UBA5: variants seen among roughly 807,000 people sequenced by gnomAD.
UBA5 encodes the protein ubiquitin like modifier activating enzyme 5, also known as ubiquitin-like modifier-activating enzyme 5.
A neutral mutation model predicts 52.9 loss-of-function variants in UBA5; 28 were observed. The observed-to-expected ratio is 0.53, with a 90% CI of 0.39 to 0.73. The LOEUF is 0.73. UBA5 is among the 30% of genes least tolerant of loss of function. The pLI is 0.00. For synonymous variants in UBA5, 135 were observed against 162.1 expected, an observed-to-expected ratio of 0.83 and a Z score of 1.27; for missense variants, 388 against 492.7, an observed-to-expected ratio of 0.79 and a Z score of 2.01.
chr3:132,663,671 C>G (rs924757632), intron 1 of UBA5, among the ~76,000 whole-genome samples: 1 of 152,100 alleles, frequency 6.6e-6, no homozygotes, highest in African/African-American at 2.4e-5. Context: ...CAGTGAAGTC[C>G]AAAGTCAAAC....
In UBA5 at chr3:132,676,844, T is replaced by C. The variant is rs1477103294; in HGVS notation, c.*318T>C. On this transcript the variant is annotated 3_prime_UTR_variant, in exon 12 of 12. Coordinates refer to ENST00000356232, the MANE Select transcript of UBA5 (RefSeq NM_024818.6). The surrounding 1 kb of genome is among the most constrained non-coding windows in gnomAD (Gnocchi z 4.1). The stretch of plus-strand genomic sequence containing the variant: ...AGGACAAATCTGATCCTGTAATCTT[T>C]TTCTTTCCAGTAATCCCTTGTGTCT... The C allele has an allele frequency of 2.1e-6, 1 of 467,732 alleles. No homozygotes were observed. The highest frequency in any genetic ancestry group is 6.5e-5 in the East Asian group (1 of 15,460). The allele number at this position is 467,732 out of a possible 1,614,324, so 29.0% of individuals were successfully genotyped here.
chr3:132,670,166 A>G, intron 4 of UBA5, 32 bp from the exon 5 acceptor site: 2 of 1,061,820 alleles, frequency 1.9e-6, no homozygotes, highest in Non-Finnish European at 2.9e-6. Flanking sequence ...CTAGGATTAC[A>G]GGCTTATAAT....
chr3:132,665,927 TG>T (rs1938359155), intron 2 of UBA5, 56 bp from the exon 3 acceptor site: 1 of 1,610,816 alleles, frequency 6.2e-7, no homozygotes, highest in East Asian at 2.2e-5. Flanking sequence ...AAATAACTTC[TG>T]GTGACATATT....
Position 132,678,941 on chromosome 3 carries a change from C to T in UBA5, c.*2415C>T, listed in dbSNP as rs1460152848. On this transcript the variant is annotated 3_prime_UTR_variant, in exon 12 of 12. Coordinates refer to ENST00000356232, the MANE Select transcript of UBA5 (RefSeq NM_024818.6). ...CTGGGATTATAGGTGTGAGCCACCA[C>T]GCCCAGCCAAGAATATTTACTAAAG... 1.3e-5 allele frequency among the ~76,000 whole-genome samples: 2 copies of T among 152,158 alleles called. No individual in the cohort carries two copies. The highest frequency in any genetic ancestry group is 1.9e-4 in the East Asian group (1 of 5,160).
Position 132,676,429 on chromosome 3 carries a change from T to A in UBA5, c.1132-14T>A. ...TGGTTCTTTTTTCACTGTATTTCCC[T>A]TATTTGTCAATAGCAAGAAGATTCT... On this transcript the variant is annotated splice_polypyrimidine_tract_variant and intron_variant, in intron 11 of 11. Transcript: ENST00000356232. This position sits in a 1 kb window ranked among gnomAD's most constrained non-coding sequence, Gnocchi z 4.1. 6.3e-7 allele frequency: 1 copy of A among 1,599,326 alleles called. No homozygotes were observed. The highest frequency in any genetic ancestry group is 8.5e-7 in the Non-Finnish European group (1 of 1,172,772).
chr3:132,670,083 G>A (rs768451738), intron 4 of UBA5, 115 bp from the exon 5 acceptor site: 77 of 606,952 alleles, frequency 1.3e-4, no homozygotes, highest in Non-Finnish European at 2.0e-4. Flanking sequence ...GGGTGCAGTG[G>A]GTGCGATGAT....
chr3:132,659,529 C>A, upstream of UBA5: 4 of 1,592,738 alleles, frequency 2.5e-6, no homozygotes, highest in Non-Finnish European at 3.4e-6. Context: ...ACTTAGGAAA[C>A]CACCCAGGGC....
Position 132,660,374 on chromosome 3 carries a change from G to A in UBA5, c.-164G>A, listed in dbSNP as rs951494130. 2 of 840,898 alleles carry A rather than the reference G, an allele frequency of 2.4e-6. No individual in the cohort carries two copies. The highest frequency in any genetic ancestry group is 1.8e-5 in the South Asian group (1 of 56,474). 52.1% of individuals were successfully genotyped at this position (840,898 alleles called of 1,614,324 possible). On this transcript the variant is annotated 5_prime_UTR_variant, in exon 1 of 12. In the 5' UTR this introduces an upstream ATG that the reference lacks. Transcript: ENST00000356232. This position sits in a 1 kb window ranked among gnomAD's most constrained non-coding sequence, Gnocchi z 4.1. ...GAAGGCCTGTGGGAGTCTCGGAGAC[G>A]TGTCTGTCTGTGAGGCGCTGGGTGC...
Position 132,660,740 on chromosome 3 carries a change from G to C in UBA5, c.161+42G>C. The C allele has an allele frequency of 6.7e-7, 1 of 1,496,064 alleles. No homozygotes were observed. The highest frequency in any genetic ancestry group is 9.0e-7 in the Non-Finnish European group (1 of 1,116,370). The allele number at this position is 1,496,064 out of a possible 1,614,324, so 92.7% of individuals were successfully genotyped here. On this transcript the variant is annotated intron_variant, in intron 1 of 11. Transcript: ENST00000356232. This position sits in a 1 kb window ranked among gnomAD's most constrained non-coding sequence, Gnocchi z 4.1. ...GTCGGAGGCAGGCGCGGGGGACGAG[G>C]TCAGGCTCCGTGAGGTCAGAAGTGA...
rs1445109879 is a variant in UBA5 at position 132,679,762 on chromosome 3, C to T, written c.*3236C>T. 6.6e-6 allele frequency among the ~76,000 whole-genome samples: 1 copy of T among 152,126 alleles called. No individual in the cohort carries two copies. Among genetic ancestry groups the T allele is most frequent in the Non-Finnish European group, 1.5e-5 (1 of 68,028 alleles). On this transcript the variant is annotated 3_prime_UTR_variant, in exon 12 of 12. Transcript: ENST00000356232. ...TAAATGACTTGTACCACTAAATAAT[C>T]AAATTCTAAGCTCTAACAGCTTAAT... is the stretch of plus-strand genomic sequence containing the variant.
At chr3:132,675,789 A>T (rs1194146888) in intron 10 of UBA5, 28 bp from the exon 11 acceptor site, 1 of 1,574,318 alleles carries the variant, frequency 6.4e-7, no homozygotes. Flanking sequence ...TAAATTCCTT[A>T]AAAACTGACA....
chr3:132,662,418 C>T (rs1352370126), intron 1 of UBA5, among the ~76,000 whole-genome samples: 1 of 152,148 alleles, frequency 6.6e-6, no homozygotes, highest in African/African-American at 2.4e-5. Flanking sequence ...TCTTTTCCCT[C>T]TAGAGCTTAC....
chr3:132,672,050 T>C lies in UBA5; in HGVS notation c.685T>C (p.Cys229Arg). ...IIPGESACFA[C>R]APPLVVAANI... ...GAAATGTGTTTTATTTTTCATGTAG[T>C]GTGCTCCACCACTTGTAGTTGCTGC... The change falls in exon 8 of 12, where the codon TGT (cysteine) becomes CGT (arginine). Residue 229 changes from cysteine (C) to arginine (R), a missense_variant and splice_region_variant. By Grantham distance (180) the Cys-to-Arg change is radical (BLOSUM62 -3). This residue lies in a region of UBA5 where 277 missense variants were observed against 326.4 expected (regional missense o/e 0.85). Coordinates refer to ENST00000356232, the MANE Select transcript of UBA5 (RefSeq NM_024818.6). The C allele has an allele frequency of 6.2e-7, 1 of 1,613,542 alleles. No homozygotes were observed. The highest frequency in any genetic ancestry group is 8.5e-7 in the Non-Finnish European group (1 of 1,179,802).
upstream of UBA5, among the ~76,000 whole-genome samples, chr3:132,656,049 G>A (rs1937779768): frequency 2.0e-5 from 3 of 152,274 alleles, no homozygotes; most frequent in South Asian, 6.2e-4. Flanking sequence ...TTCCCCTTGA[G>A]TGACTACCAT....
At chr3:132,661,465 C>A (rs1414190385) in intron 1 of UBA5, among the ~76,000 whole-genome samples, 1 of 152,116 alleles carries the variant, frequency 6.6e-6, no homozygotes, top group Non-Finnish European at 1.5e-5. Flanking sequence ...ACATGGCAAG[C>A]CTTATACAAG....
chr3:132,671,979 G>T lies in UBA5; in HGVS notation c.685-71G>T. 6.2e-7 allele frequency: 1 copy of T among 1,603,806 alleles called. No individual in the cohort carries two copies. Among genetic ancestry groups the T allele is most frequent in the Non-Finnish European group, 8.5e-7 (1 of 1,174,632 alleles). On this transcript the variant is annotated intron_variant, in intron 7 of 11. Transcript: ENST00000356232. ...ACAATTCAAAGAAAAAGCAAACTTG[G>T]ATGGAATACTATTTGGAACATCTCA...
chr3:132,656,382 C>T (rs1317273588), upstream of UBA5, among the ~76,000 whole-genome samples: 3 of 152,162 alleles, frequency 2.0e-5, no homozygotes, highest in Non-Finnish European at 2.9e-5. Context: ...TGTGTATCTT[C>T]CCAACTTCAT....
intron 7 of UBA5, 38 bp downstream of exon 7, chr3:132,671,919 G>A: frequency 6.2e-7 from 1 of 1,604,770 alleles, no homozygotes; most frequent in Non-Finnish European, 8.5e-7. Flanking sequence ...TTCACTGTTA[G>A]ATACTTGAGT....
In UBA5 at chr3:132,677,205, G is replaced by A. The variant is rs1938875712; in HGVS notation, c.*679G>A. The A allele has an allele frequency of 5.1e-6, 1 of 195,196 alleles. No individual in the cohort carries two copies. 12.1% of individuals were successfully genotyped at this position (195,196 alleles called of 1,614,324 possible). ...CATGAATAGACAAAGTTGATTTCAG[G>A]AAGTATAAATTATATTCTGCACCGA... On this transcript the variant is annotated 3_prime_UTR_variant, in exon 12 of 12. Coordinates refer to ENST00000356232, the MANE Select transcript of UBA5 (RefSeq NM_024818.6).
Sources: allele counts gnomAD v4.1 joint callset (sites outside exome capture counted in the v4.1 genomes callset), GRCh38; gene constraint gnomAD v4.1.1; regional missense constraint gnomAD v4.1.1; non-coding constraint Gnocchi (gnomAD v3.1); transcripts MANE v1.5; gene names NCBI Gene and HGNC (gene_info 2026-07-23, HGNC 2026-07-21).